HMGB3: variants seen among roughly 807,000 people sequenced by gnomAD.
The protein encoded by HMGB3 is high mobility group box 3, also known as high mobility group protein B3.
HMGB3 carries 1 observed loss-of-function variant against 12.9 expected under a neutral mutation model. That is an observed-to-expected ratio of 0.08 (90% CI 0.03 to 0.37). The LOEUF (loss-of-function observed/expected upper bound fraction) is 0.37. HMGB3 is among the 10% of genes least tolerant of loss of function. The pLI is 0.99. For missense variants in HMGB3, 74 were observed against 153.3 expected (o/e 0.48, Z 2.73); for synonymous variants, 61 against 53.9 (o/e 1.13, Z -0.57).
rs1250292571 is a variant in HMGB3, at chrX:150,988,665, ACCT to A, written c.*755_*757del. The A allele has an allele frequency of 1.8e-5, 2 of 111,365 alleles. No individual in the cohort carries two copies. Among genetic ancestry groups the A allele is most frequent in the East Asian group, 5.6e-4 (2 of 3,556 alleles). 9.2% of individuals were successfully genotyped at this position (111,365 alleles called of 1,213,427 possible). On this transcript the variant is annotated 3_prime_UTR_variant, in exon 5 of 5. Transcript: ENST00000325307. The stretch of plus-strand genomic sequence containing the variant: ...TCACTGCATCAATGAAAGTTCAAGA[ACCT>A]CCTGTACTTAAACACGATTCGCAAC...
chrX:150,981,997 A>G (rs181087630), upstream of HMGB3, among the ~76,000 whole-genome samples: 153 of 112,198 alleles, frequency 1.4e-3, 1 homozygote, highest in African/African-American at 4.4e-3. Context: ...TAGGACTCAT[A>G]AATAGCTGGA....
chrX:150,983,809 G>A (rs1270922314), intron 1 of HMGB3, among the ~76,000 whole-genome samples: 2 of 106,672 alleles, frequency 1.9e-5, no homozygotes, highest in Non-Finnish European at 2.0e-5. Context: ...GGGGCCGGGA[G>A]TTCCCCGGCC....
chrX:150,983,397 TCCCGCCGCCGCCGCCGCCGCCGCCGCC>T lies in HMGB3; in HGVS notation c.-6+22_-6+48del. ...TACAGGTACGTCTCGCACCGCCCGCTCCCGCCGCCGCCGCCGCCGCCGCCGCCGCCGCCGCCGCCGCCGCCGCCGCCG... is the reference window on the plus strand; with the variant it reads ...TACAGGTACGTCTCGCACCGCCCGCTGCCGCCGCCGCCGCCGCCGCCGCCG... On this transcript the variant is annotated intron_variant, in intron 1 of 4. Coordinates refer to ENST00000325307, the MANE Select transcript of HMGB3 (RefSeq NM_005342.4). 5.5e-6 allele frequency: 4 copies of T among 730,543 alleles called. No homozygotes were observed. In the South Asian group the frequency reaches 2.1e-4, roughly 38 times the overall value. 60.2% of individuals were successfully genotyped at this position (730,543 alleles called of 1,213,427 possible). A position where few individuals can be genotyped will look rare whatever the true frequency, so the allele number is the denominator to read the frequency against.
Position 150,987,308 on chromosome X carries a change from G to A in HMGB3, c.465+6G>A. On this transcript the variant is annotated splice_donor_region_variant and intron_variant, in intron 4 of 4. Coordinates refer to ENST00000325307, the MANE Select transcript of HMGB3 (RefSeq NM_005342.4). ...TGAAGGAGAAGTATGAGAAGGTAAG[G>A]TGGGGCTGGAAGCCTGGACTGGTGA... The A allele has an allele frequency of 8.3e-7, 1 of 1,199,380 alleles. No individual in the cohort carries two copies. Among genetic ancestry groups the A allele is most frequent in the South Asian group, 1.8e-5 (1 of 54,716 alleles).
At position 150,987,906 on chromosome X, in the gene HMGB3, G is replaced by A; in HGVS notation, c.595G>A (p.Asp199Asn). ...EEEEEEEEEE[D>N]E Reference sequence around the variant, plus strand: ...AGAAGAGGAGGAGGAGGAGGAGGAGGATGAATAAAGAAACTGTTTATCTGT... The same window carrying A: ...AGAAGAGGAGGAGGAGGAGGAGGAGAATGAATAAAGAAACTGTTTATCTGT... The change falls in exon 5 of 5, where the codon GAT becomes AAT. Residue 199 changes from aspartate (D) to asparagine (N), a missense_variant. Physicochemically the swap from Asp to Asn is conservative, Grantham distance 23. Around this residue, in one of 2 missense-constraint regions of HMGB3, gnomAD observed 29 missense variants for 29.5 expected, o/e 0.98. Transcript: ENST00000325307. 2 of 1,189,500 alleles carry A rather than the reference G, an allele frequency of 1.7e-6. No homozygotes were observed. The highest frequency in any genetic ancestry group is 2.3e-6 in the Non-Finnish European group (2 of 887,787).
In HMGB3 at chrX:150,989,739, A is replaced by G. The variant is rs1348157179; in HGVS notation, c.*1825A>G. 3 of 112,025 alleles carry G rather than the reference A, an allele frequency of 2.7e-5. No homozygotes were observed. Among genetic ancestry groups the G allele is most frequent in the Admixed American group, 9.5e-5 (1 of 10,532 alleles). The allele number at this position is 112,025 out of a possible 1,213,427, so 9.2% of individuals were successfully genotyped here. Reference sequence around the variant, plus strand: ...TATTTGGGTGTGTATGTTTGAGGCTATGAAACACGCAGGAGTGTTTTTGTG... The same window carrying G: ...TATTTGGGTGTGTATGTTTGAGGCTGTGAAACACGCAGGAGTGTTTTTGTG... On this transcript the variant is annotated 3_prime_UTR_variant, in exon 5 of 5. Transcript: ENST00000325307.
At position 150,985,744 on chromosome X, in the gene HMGB3, T is replaced by C. The variant is rs2048045709; in HGVS notation, c.145T>C (p.Trp49Arg). ...ATTTTCCAAGAAGTGCTCTGAGAGG[T>C]GGAAGGTATTTTTCTTTGGTACCCT... ...AEFSKKCSERWKTMSGKEKSK... is the reference protein window; with the variant it reads ...AEFSKKCSERRKTMSGKEKSK... The change falls in exon 2 of 5, where the codon TGG becomes CGG. Residue 49 changes from tryptophan to arginine, a missense_variant. Around this residue, in one of 2 missense-constraint regions of HMGB3, gnomAD observed 45 missense variants for 123.8 expected, o/e 0.36. Coordinates refer to ENST00000325307, the MANE Select transcript of HMGB3 (RefSeq NM_005342.4). The C allele has an allele frequency of 8.3e-7, 1 of 1,206,246 alleles. No individual in the cohort carries two copies. The highest frequency in any genetic ancestry group is 1.1e-6 in the Non-Finnish European group (1 of 892,539).
rs201161453 is a variant in HMGB3 at position 150,986,139 on chromosome X, C to T, written c.239C>T (p.Pro80Leu). 2.7e-5 allele frequency: 32 copies of T among 1,201,422 alleles called. No individual in the cohort carries two copies. Among genetic ancestry groups the T allele is most frequent in the Non-Finnish European group, 3.3e-5 (29 of 890,740 alleles). The change falls in exon 3 of 5, where the codon CCA (proline) becomes CTA (leucine). Residue 80 changes from proline (P) to leucine (L), a missense_variant. Transcript: ENST00000325307. Reference protein sequence around the residue: ...RYDREMKDYGPAKGGKKKKDP... With the variant: ...RYDREMKDYGLAKGGKKKKDP... Reference sequence around the variant, plus strand: ...GATCGGGAAATGAAGGATTATGGACCAGCTAAGGGAGGCAAGAAGAAGAAG... The same window carrying T: ...GATCGGGAAATGAAGGATTATGGACTAGCTAAGGGAGGCAAGAAGAAGAAG...
At chrX:150,987,717 G>C (rs982734883) in intron 4 of HMGB3, 60 bp from the exon 5 acceptor site, 33 of 960,176 alleles carry the variant, frequency 3.4e-5, no homozygotes, top group Admixed American at 2.4e-5. Context: ...AGGACTGCAT[G>C]TTTCTACTTT....
At position 150,988,166 on chromosome X, in the gene HMGB3, A is replaced by C; in HGVS notation, c.*252A>C. 6.5e-6 allele frequency: 2 copies of C among 305,498 alleles called. No homozygotes were observed. Among genetic ancestry groups the C allele is most frequent in the Non-Finnish European group, 1.2e-5 (2 of 171,655 alleles). 25.2% of individuals were successfully genotyped at this position (305,498 alleles called of 1,213,427 possible). On this transcript the variant is annotated 3_prime_UTR_variant, in exon 5 of 5. Transcript: ENST00000325307. ...CCAAACATTTTTAAAATGAAAAGGC[A>C]CTCTCGTGTTCTCCTCACTCTGTGC...
At chrX:150,982,818 G>A (rs941633716), upstream of HMGB3, among the ~76,000 whole-genome samples, 2 of 113,100 alleles carry the variant, frequency 1.8e-5, no homozygotes, top group African/African-American at 3.2e-5. Flanking sequence ...GGAGCGAGCT[G>A]CCGCCGCGTT....
intron 1 of HMGB3, chrX:150,984,512 A>G (rs1398636192): frequency 1.7e-5 from 5 of 293,908 alleles, no homozygotes; most frequent in African/African-American, 1.2e-4. Flanking sequence ...CCGGCCGCAC[A>G]CCCCCCGCGC....
Position 150,987,866 on chromosome X carries a change from A to G in HMGB3, c.555A>G (p.Glu185=), listed in dbSNP as rs139826031. Residue 185 remains glutamate (E), a synonymous_variant, in exon 5 of 5, where the codon GAA becomes GAG. Coordinates refer to ENST00000325307, the MANE Select transcript of HMGB3 (RefSeq NM_005342.4). ...VARKKVEEED[E]EEEEEEEEEE... ...GGAAAAAGGTGGAAGAGGAAGATGA[A>G]GAAGAGGAGGAGGAAGAAGAGGAGG... is the stretch of plus-strand genomic sequence containing the variant. 0.015 allele frequency: 17,516 copies of G among 1,194,032 alleles called. 119 individuals are homozygous for G. Among genetic ancestry groups the G allele is most frequent in the African/African-American group, 0.019 (1,061 of 56,819 alleles).
upstream of HMGB3, chrX:150,983,206 G>A: frequency 1.6e-6 from 1 of 636,376 alleles, no homozygotes. Context: ...GGGCGTCCAC[G>A]CCTGCTTAAT....
rs1557425214 is a variant in HMGB3 at position 150,985,626 on chromosome X, A to G, written c.27A>G (p.Pro9=). 19 of 1,200,529 alleles carry G rather than the reference A, an allele frequency of 1.6e-5. No homozygotes were observed. The highest frequency in any genetic ancestry group is 2.0e-5 in the Non-Finnish European group (18 of 891,588). Residue 9 remains proline, a synonymous_variant, in exon 2 of 5, where the codon CCA becomes CCG. Transcript: ENST00000325307. MAKGDPKK[P]KGKMSAYAFF... ...TGGCTAAAGGTGACCCCAAGAAACC[A>G]AAGGGCAAGATGTCCGCTTATGCCT...
intron 1 of HMGB3, among the ~76,000 whole-genome samples, chrX:150,983,866 C>A (rs1454144322): frequency 9.4e-6 from 1 of 106,441 alleles, no homozygotes; most frequent in Non-Finnish European, 2.0e-5. Flanking sequence ...CCGCCGGGGG[C>A]TGCGCGGCTG....
chrX:150,984,307 AGCCCCCGG>A (rs1218745496), intron 1 of HMGB3, among the ~76,000 whole-genome samples: 1 of 70,740 alleles, frequency 1.4e-5, no homozygotes, highest in Non-Finnish European at 2.7e-5. Context: ...CGGGCCCCCG[AGCCCCCGG>A]GCGGCCCGGG....
intron 4 of HMGB3, 149 bp from the exon 5 acceptor site, chrX:150,987,628 A>T (rs1557425275): frequency 2.1e-6 from 1 of 486,940 alleles, no homozygotes; most frequent in Non-Finnish European, 3.4e-6. Flanking sequence ...AACCAAATTC[A>T]TATATGGAAA....
rs1403140392 is a variant in HMGB3 at position 150,984,091 on chromosome X, G to A, written c.-6+715G>A. 4.0e-3 allele frequency among the ~76,000 whole-genome samples: 398 copies of A among 100,433 alleles called. 3 individuals are homozygous for A. Among genetic ancestry groups the A allele is most frequent in the African/African-American group, 0.013 (370 of 28,442 alleles). The allele number at this position is 100,433 out of a possible 115,157, so 87.2% of individuals were successfully genotyped here. A position where few individuals can be genotyped will look rare whatever the true frequency, so the allele number is the denominator to read the frequency against. On this transcript the variant is annotated intron_variant, in intron 1 of 4. Transcript: ENST00000325307. ...CATGGCTGGCGCGGCGCTGGCCTCCGGCGAGGGCAGGGGAGGCGGGCGGAG... is the reference window on the plus strand; with the variant it reads ...CATGGCTGGCGCGGCGCTGGCCTCCAGCGAGGGCAGGGGAGGCGGGCGGAG...
Sources: allele counts gnomAD v4.1 joint callset (sites outside exome capture counted in the v4.1 genomes callset), GRCh38; gene constraint gnomAD v4.1.1; regional missense constraint gnomAD v4.1.1; transcripts MANE v1.5; gene names NCBI Gene and HGNC (gene_info 2026-07-23, HGNC 2026-07-21).